The following ITGB1 variants were observed in gnomAD, a reference collection of about 807,000 sequenced individuals.
ITGB1 encodes the protein integrin beta-1.
A neutral mutation model predicts 86.5 loss-of-function variants in ITGB1; 24 were observed. The observed-to-expected ratio is 0.28, with a 90% confidence interval of 0.20 to 0.39. The LOEUF (loss-of-function observed/expected upper bound fraction) is 0.39, where lower values mean the gene tolerates loss of function less well. ITGB1 is among the 10% of genes least tolerant of loss of function. ITGB1 has a pLI of 1.00. For synonymous variants in ITGB1, 323 were observed against 316.8 expected (o/e 1.02, Z -0.21); for missense variants, 556 against 946.9 (o/e 0.59, Z 5.42).
Position 32,901,425 on chromosome 10 carries a change from A to G in ITGB1, c.*145T>C, listed in dbSNP as rs200458932. 1.3e-4 allele frequency: 70 copies of G among 532,992 alleles called. No homozygotes were observed. The highest frequency in any genetic ancestry group is 5.1e-4 in the Middle Eastern group (1 of 1,968). 33.0% of individuals were successfully genotyped at this position (532,992 alleles called of 1,614,324 possible). A position where few individuals can be genotyped will look rare whatever the true frequency, so the allele number is the denominator to read the frequency against. ...TTACAACATTATTTTCAAAATAATA[A>G]AACATTTTAAAAATTATACATATTG... On this transcript the variant is annotated 3_prime_UTR_variant, in exon 16 of 16. Coordinates refer to ENST00000302278, the MANE Select transcript of ITGB1 (RefSeq NM_002211.4).
intron 15 of ITGB1, chr10:32,907,219 T>G (rs549209527): frequency 8.3e-6 from 4 of 479,900 alleles, no homozygotes; most frequent in East Asian, 7.7e-5. Context: ...ACACTATAAA[T>G]GTCTTTTTTT....
intron 1 of ITGB1, among the ~76,000 whole-genome samples, chr10:32,951,023 G>A (rs763524390): frequency 2.0e-5 from 3 of 152,154 alleles, no homozygotes; most frequent in Non-Finnish European, 2.9e-5. Flanking sequence ...CAAACAAAAT[G>A]CCTAAAGATA....
chr10:32,942,683 C>CTT (rs756465879), intron 1 of ITGB1, among the ~76,000 whole-genome samples: 13 of 91,104 alleles, frequency 1.4e-4, no homozygotes, highest in Non-Finnish European at 1.8e-4. Flanking sequence ...CTCTCTCTCT[C>CTT]TTTTTTTTTT....
Position 32,949,659 on chromosome 10 carries a change from T to C in ITGB1, c.-1+8486A>G, listed in dbSNP as rs1206647858. On this transcript the variant is annotated intron_variant, in intron 1 of 15. Transcript: ENST00000302278. ...AATCTTAAACACCACCCACAAATAA[T>C]CTCATTTTAGTGGTTAACCCAAATA... 2.0e-5 allele frequency among the ~76,000 whole-genome samples: 3 copies of C among 152,132 alleles called. No homozygotes were observed. In the East Asian group the frequency reaches 5.8e-4, roughly 29 times the overall value.
At chr10:32,948,003 T>A (rs991646031) in intron 1 of ITGB1, among the ~76,000 whole-genome samples, 10 of 133,300 alleles carry the variant, frequency 7.5e-5, no homozygotes, top group African/African-American at 2.2e-4. Flanking sequence ...TAACTATGGT[T>A]GAATTTTTTT....
intron 1 of ITGB1, among the ~76,000 whole-genome samples, chr10:32,948,747 G>A (rs1159247168): frequency 6.6e-6 from 1 of 152,086 alleles, no homozygotes; most frequent in Non-Finnish European, 1.5e-5. Context: ...AAAGACATTA[G>A]ATGCCAACCC....
At chr10:32,928,558 C>T (rs2094972879) in intron 4 of ITGB1, among the ~76,000 whole-genome samples, 1 of 151,984 alleles carries the variant, frequency 6.6e-6, no homozygotes, top group Non-Finnish European at 1.5e-5. Flanking sequence ...ACAAATAGAA[C>T]ACCATAAATT....
intron 11 of ITGB1, among the ~76,000 whole-genome samples, chr10:32,914,582 T>C (rs2094925590): frequency 6.6e-6 from 1 of 151,898 alleles, no homozygotes; most frequent in East Asian, 1.9e-4. Flanking sequence ...CATTACATAA[T>C]GGTAAAGGGA....
At chr10:32,904,234 A>C (rs1480422367) in intron 15 of ITGB1, among the ~76,000 whole-genome samples, 1 of 152,198 alleles carries the variant, frequency 6.6e-6, no homozygotes, top group South Asian at 2.1e-4. Context: ...AAGGTAAACT[A>C]AAATAATTCA....
chr10:32,925,252 C>T (rs1222638883), intron 6 of ITGB1, among the ~76,000 whole-genome samples: 1 of 152,128 alleles, frequency 6.6e-6, no homozygotes, highest in African/African-American at 2.4e-5. Flanking sequence ...TCATAAAATA[C>T]AAATTATTGA....
At chr10:32,918,026 G>A (rs1183306511) in intron 11 of ITGB1, among the ~76,000 whole-genome samples, 1 of 152,172 alleles carries the variant, frequency 6.6e-6, no homozygotes, top group Non-Finnish European at 1.5e-5. Context: ...AAAAAATGAT[G>A]AGTTCACGTC....
At chr10:32,903,648 C>T (rs772832170) in intron 15 of ITGB1, among the ~76,000 whole-genome samples, 1 of 152,110 alleles carries the variant, frequency 6.6e-6, no homozygotes, top group Non-Finnish European at 1.5e-5. Context: ...CTGGTTGTTT[C>T]AGAAACATGG....
intron 5 of ITGB1, 91 bp from the exon 6 acceptor site, chr10:32,926,200 A>C: frequency 1.0e-6 from 1 of 983,632 alleles, no homozygotes; most frequent in Non-Finnish European, 1.6e-6. Flanking sequence ...CATCTATGTT[A>C]CCAAATGTAG....
At chr10:32,956,441 C>T (rs1311066359) in intron 1 of ITGB1, among the ~76,000 whole-genome samples, 1 of 151,360 alleles carries the variant, frequency 6.6e-6, no homozygotes, top group Admixed American at 6.6e-5. Context: ...GGTTCAGGGG[C>T]TCACGCCTGT....
chr10:32,906,954 T>A (rs1316393308), intron 15 of ITGB1: 1 of 525,818 alleles, frequency 1.9e-6, no homozygotes, highest in African/African-American at 2.1e-5. Context: ...AATAGCGATA[T>A]TTAAAGCCAG....
At position 32,922,284 on chromosome 10, in the gene ITGB1, T is replaced by C. The variant is rs1245699912; in HGVS notation, c.1101A>G (p.Val367=). 1.2e-6 allele frequency: 2 copies of C among 1,607,958 alleles called. No homozygotes were observed. The highest frequency in any genetic ancestry group is 3.4e-5 in the Admixed American group (2 of 59,308). The change falls in exon 9 of 16, where the codon GTA becomes GTG. Residue 367 remains valine (V), a synonymous_variant. Transcript: ENST00000302278. The part of the protein sequence containing the change: ...VGTLSANSSN[V]IQLIIDAYNS... ...TGTATGCATCAATGATCAACTGAAT[T>C]ACATTGCTAGAATTTGCAGATAATG...
intron 15 of ITGB1, 144 bp downstream of exon 15, chr10:32,908,224 C>T: frequency 1.3e-6 from 1 of 752,028 alleles, no homozygotes; most frequent in Admixed American, 2.4e-5. Flanking sequence ...TCACTAAATG[C>T]AAATTCCTTG....
chr10:32,944,740 G>A (rs1025206737), intron 1 of ITGB1: 7 of 704,976 alleles, frequency 9.9e-6, no homozygotes, highest in African/African-American at 1.8e-5. Context: ...TGCCCTTTGA[G>A]GTCATTAAAC....
intron 2 of ITGB1, 162 bp from the exon 3 acceptor site, chr10:32,932,762 T>A (rs58482925): frequency 0.13 from 69,891 of 534,942 alleles, 5,635 homozygotes; most frequent in East Asian, 0.31. Flanking sequence ...CAGGATTTTT[T>A]AATTTAATTT....
Sources: allele counts gnomAD v4.1 joint callset (sites outside exome capture counted in the v4.1 genomes callset), GRCh38; gene constraint gnomAD v4.1.1; transcripts MANE v1.5; gene names NCBI Gene and HGNC (gene_info 2026-07-23, HGNC 2026-07-21).